Variants in GRAMD1B observed in about 807,000 individuals in gnomAD.
GRAMD1B encodes the protein protein Aster-B.
A neutral mutation model predicts 99.7 loss-of-function variants in GRAMD1B; 37 were observed. That is an observed-to-expected ratio of 0.37 (90% CI 0.29 to 0.49). The LOEUF (loss-of-function observed/expected upper bound fraction) is 0.49. GRAMD1B is among the 20% of genes least tolerant of loss of function. GRAMD1B has a pLI of 0.98. For synonymous variants in GRAMD1B, 427 were observed against 387.6 expected, an observed-to-expected ratio of 1.10 and a Z score of -1.19; for missense variants, 888 against 1,009.2, an observed-to-expected ratio of 0.88 and a Z score of 1.63.
chr11:123,592,003 G>C (rs1950715447), intron 4 of GRAMD1B, among the ~76,000 whole-genome samples: 1 of 152,204 alleles, frequency 6.6e-6, no homozygotes, highest in African/African-American at 2.4e-5. Context: ...GGATACCTGA[G>C]CTATTACTGG....
intron 2 of GRAMD1B, among the ~76,000 whole-genome samples, chr11:123,483,172 C>T (rs1047479456): frequency 6.6e-6 from 1 of 152,118 alleles, no homozygotes; most frequent in Non-Finnish European, 1.5e-5. Context: ...TAAGAAAGCA[C>T]TCTTCCATGA....
chr11:123,464,656 C>G (rs190159446), intron 1 of GRAMD1B, among the ~76,000 whole-genome samples: 1 of 152,254 alleles, frequency 6.6e-6, no homozygotes, highest in Admixed American at 6.5e-5. Flanking sequence ...GGAATGGGAA[C>G]CTTTTTCTTT....
chr11:123,455,304 G>A (rs2134408205), intron 1 of GRAMD1B, among the ~76,000 whole-genome samples: 1 of 152,110 alleles, frequency 6.6e-6, no homozygotes, highest in African/African-American at 2.4e-5. Context: ...TTATAAAAAC[G>A]AGGGTCTTAC....
Position 123,506,898 on chromosome 11 carries a change from C to G in GRAMD1B, c.452+26005C>G, listed in dbSNP as rs538065727. On this transcript the variant is annotated intron_variant, in intron 2 of 19. Coordinates refer to ENST00000635736, the MANE Select transcript of GRAMD1B (RefSeq NM_001387025.1). ...AGCCCCAACTTCTAGGTTGTCTACT[C>G]TGCAGTTAACAGCACTCTCCCTCCT... Among the ~76,000 whole-genome samples, 232 of 152,314 alleles carry G rather than the reference C, an allele frequency of 1.5e-3. 1 individual carries two copies. Among genetic ancestry groups the G allele is most frequent in the African/African-American group, 4.6e-3 (190 of 41,564 alleles).
intron 2 of GRAMD1B, among the ~76,000 whole-genome samples, chr11:123,486,072 TTCC>T (rs1221829332): frequency 6.6e-6 from 1 of 152,220 alleles, no homozygotes. Flanking sequence ...CAACCTTAGT[TTCC>T]TCCTTTGTAA....
intron 1 of GRAMD1B, among the ~76,000 whole-genome samples, chr11:123,424,483 C>T (rs1051044998): frequency 5.3e-5 from 8 of 151,968 alleles, no homozygotes; most frequent in Admixed American, 5.3e-4. Flanking sequence ...AAACAAACAA[C>T]CAACCAAAAA....
intron 1 of GRAMD1B, among the ~76,000 whole-genome samples, chr11:123,393,131 A>G (rs1947337589): frequency 6.6e-6 from 1 of 152,182 alleles, no homozygotes; most frequent in Admixed American, 6.5e-5. Flanking sequence ...AGGGACATTG[A>G]AGATCATTAG....
At chr11:123,485,516 C>T (rs1197218439) in intron 2 of GRAMD1B, among the ~76,000 whole-genome samples, 3 of 152,036 alleles carry the variant, frequency 2.0e-5, no homozygotes, top group African/African-American at 7.2e-5. Flanking sequence ...AGGAGTAGAG[C>T]GTAGGTTGAA....
chr11:123,613,765 T>C lies in GRAMD1B; in HGVS notation c.2227+107T>C. ...ACTCATTTTGCACCTTGGCTATAAT[T>C]TGTATATAATTTGAACGTAAGTCAC... On this transcript the variant is annotated intron_variant, in intron 16 of 19. Transcript: ENST00000635736. 4 of 740,166 alleles carry C rather than the reference T, an allele frequency of 5.4e-6. No individual in the cohort carries two copies. The South Asian group carries it at 5.5e-5, about 10-fold the overall frequency. The allele number at this position is 740,166 out of a possible 1,614,324, so 45.8% of individuals were successfully genotyped here. A position where few individuals can be genotyped will look rare whatever the true frequency, so the allele number is the denominator to read the frequency against.
chr11:123,507,237 G>T (rs1271891782), intron 2 of GRAMD1B, among the ~76,000 whole-genome samples: 1 of 152,242 alleles, frequency 6.6e-6, no homozygotes, highest in Admixed American at 6.5e-5. Flanking sequence ...AGGCCTCTGA[G>T]CAGAGAAGAT....
At position 123,495,713 on chromosome 11, in the gene GRAMD1B, T is replaced by A. The variant is rs184529935; in HGVS notation, c.452+14820T>A. Reference sequence around the variant, plus strand: ...TTTTTGTCTTTTCTTGTTTTTTATTTTTTGTGCATCGGTTGTGTGTTTTTT... The same window carrying A: ...TTTTTGTCTTTTCTTGTTTTTTATTATTTGTGCATCGGTTGTGTGTTTTTT... On this transcript the variant is annotated intron_variant, in intron 2 of 19. Coordinates refer to ENST00000635736, the MANE Select transcript of GRAMD1B (RefSeq NM_001387025.1). 7.7e-3 allele frequency among the ~76,000 whole-genome samples: 1,176 copies of A among 151,938 alleles called. 12 individuals carry two copies. Among genetic ancestry groups the A allele is most frequent in the African/African-American group, 0.026 (1,077 of 41,436 alleles).
intron 3 of GRAMD1B, among the ~76,000 whole-genome samples, chr11:123,580,752 G>T (rs1369689448): frequency 6.6e-6 from 1 of 152,194 alleles, no homozygotes; most frequent in Non-Finnish European, 1.5e-5. Flanking sequence ...CAGAGGGAGC[G>T]AGGGGCCGTT....
chr11:123,515,590 T>G (rs1565318020), intron 2 of GRAMD1B, among the ~76,000 whole-genome samples: 1 of 152,190 alleles, frequency 6.6e-6, no homozygotes, highest in African/African-American at 2.4e-5. Context: ...GAGTCTGAAC[T>G]TCTGGATTTT....
At chr11:123,457,124 A>AGAAAGAAAGAAAGAAAGAAAGAAG (rs1565514260) in intron 1 of GRAMD1B, among the ~76,000 whole-genome samples, 1 of 150,140 alleles carries the variant, frequency 6.7e-6, no homozygotes, top group Admixed American at 6.8e-5. Flanking sequence ...AAAAAAAGAA[A>AGAAAGAAAGAAAGAAAGAAAGAAG]GAAAGAAAGA....
At chr11:123,394,845 C>T (rs1947404188) in intron 1 of GRAMD1B, among the ~76,000 whole-genome samples, 1 of 152,186 alleles carries the variant, frequency 6.6e-6, no homozygotes. Context: ...TCCAAGATGG[C>T]AACTTGAACA....
rs575205012 is a variant in GRAMD1B, at chr11:123,587,264, A to G, written c.684+2932A>G. 1.9e-4 allele frequency among the ~76,000 whole-genome samples: 29 copies of G among 152,324 alleles called. No individual in the cohort carries two copies. The highest frequency in any genetic ancestry group is 6.7e-4 in the African/African-American group (28 of 41,574). ...GGACACAGGGAGAGGCCATAGCAGG[A>G]GAGTGTCAGGTCCAGAGTGGGGTTT... On this transcript the variant is annotated intron_variant, in intron 4 of 19. Coordinates refer to ENST00000635736, the MANE Select transcript of GRAMD1B (RefSeq NM_001387025.1). This position sits in a 1 kb window ranked among gnomAD's most constrained non-coding sequence, Gnocchi z 4.2.
intron 2 of GRAMD1B, among the ~76,000 whole-genome samples, chr11:123,519,624 C>T (rs769091057): frequency 5.3e-5 from 8 of 152,250 alleles, no homozygotes; most frequent in Non-Finnish European, 1.2e-4. Context: ...TTCCCAGCAA[C>T]TAGAGGCATG....
At chr11:123,589,703 C>T (rs1472334572) in intron 4 of GRAMD1B, among the ~76,000 whole-genome samples, 4 of 151,158 alleles carry the variant, frequency 2.6e-5, no homozygotes, top group Admixed American at 2.6e-4. Context: ...CTAAAGTGAT[C>T]CGTCCGAATT....
chr11:123,385,950 A>G (rs1388671398), intron 1 of GRAMD1B, among the ~76,000 whole-genome samples: 1 of 152,170 alleles, frequency 6.6e-6, no homozygotes, highest in Non-Finnish European at 1.5e-5. Flanking sequence ...TGAAGTGGCC[A>G]AAGGAGGGAC....
Sources: gnomAD v4.1 joint callset for allele counts (sites outside exome capture counted in the v4.1 genomes callset) on GRCh38, gnomAD v4.1.1 for gene constraint, Gnocchi (gnomAD v3.1) non-coding constraint, MANE v1.5 for transcripts, NCBI Gene and HGNC (gene_info 2026-07-23, HGNC 2026-07-21) for gene names.